Variants in CDH2 observed in about 807,000 individuals in gnomAD.
CDH2 encodes cadherin 2, also known as cadherin-2.
In CDH2, 17 loss-of-function variants were observed where a neutral mutation model predicts 92.0. The observed-to-expected ratio is 0.18, with a 90% CI of 0.13 to 0.28. The LOEUF is 0.28. Ranked by LOEUF, CDH2 falls within the 10% of genes least tolerant of loss-of-function variation. CDH2 has a pLI of 1.00. For missense variants in CDH2, 862 were observed against 1,133.1 expected (o/e 0.76, Z 3.44); for synonymous variants, 419 against 415.9 (o/e 1.01, Z -0.09).
chr18:28,010,779 C>A (rs2013075092), intron 4 of CDH2, among the ~76,000 whole-genome samples: 2 of 151,600 alleles, frequency 1.3e-5, no homozygotes, highest in Admixed American at 1.3e-4. Context: ...ATGCCATTCT[C>A]CTGCCTCAGC....
At chr18:28,043,360 T>C (rs1414635075) in intron 2 of CDH2, among the ~76,000 whole-genome samples, 2 of 150,546 alleles carry the variant, frequency 1.3e-5, no homozygotes, top group Non-Finnish European at 1.5e-5. Flanking sequence ...CAGTGTACAC[T>C]GCTTGGGTGA....
At chr18:28,002,249 T>G (rs949887503) in intron 7 of CDH2, among the ~76,000 whole-genome samples, 1 of 152,138 alleles carries the variant, frequency 6.6e-6, no homozygotes, top group Admixed American at 6.6e-5. Context: ...GGGGATCACA[T>G]GTACAAAAAC....
At chr18:28,094,945 G>A (rs1225477096) in intron 2 of CDH2, among the ~76,000 whole-genome samples, 1 of 152,028 alleles carries the variant, frequency 6.6e-6, no homozygotes, top group Non-Finnish European at 1.5e-5. Context: ...GGAAATAAAT[G>A]TTAAAGAATT....
intron 4 of CDH2, among the ~76,000 whole-genome samples, chr18:28,010,686 G>C (rs184211448): frequency 3.3e-5 from 5 of 151,228 alleles, no homozygotes; most frequent in Non-Finnish European, 5.9e-5. Context: ...TTTTTGCGGG[G>C]GGGGAAGGAG....
At chr18:28,066,234 A>G (rs921819181) in intron 2 of CDH2, among the ~76,000 whole-genome samples, 2 of 152,210 alleles carry the variant, frequency 1.3e-5, no homozygotes, top group Admixed American at 6.5e-5. Context: ...AACTAGCCAA[A>G]GCAGACACTT....
At chr18:28,159,671 T>G (rs574101598) in intron 1 of CDH2, among the ~76,000 whole-genome samples, 102 of 151,808 alleles carry the variant, frequency 6.7e-4, no homozygotes, top group African/African-American at 2.4e-3. Context: ...TTTTTTTTTT[T>G]TTTGAAAGGG....
At chr18:28,033,133 C>T (rs1032387304) in intron 2 of CDH2, among the ~76,000 whole-genome samples, 4 of 151,912 alleles carry the variant, frequency 2.6e-5, no homozygotes, top group Admixed American at 6.6e-5. Context: ...ATGGCAGCTT[C>T]GGAATAAACA....
At chr18:28,099,168 TTTGAATTATAGGAAGAAAACTAACAC>T (rs1428562477) in intron 2 of CDH2, among the ~76,000 whole-genome samples, 1 of 152,172 alleles carries the variant, frequency 6.6e-6, no homozygotes, top group African/African-American at 2.4e-5. Flanking sequence ...TTTACTAACT[TTTGAATTATAGGAAGAAAACTAACAC>T]TAACAAAATC....
chr18:28,092,462 G>T lies in CDH2; in HGVS notation c.172+55211C>A, dbSNP rs185240069. ...TGTTTGTCACCCTCAGAAGACTATT[G>T]TAATAAATTGCTCAATCCAATTATC... On this transcript the variant is annotated intron_variant, in intron 2 of 15. Coordinates refer to ENST00000269141, the MANE Select transcript of CDH2 (RefSeq NM_001792.5). Among the ~76,000 whole-genome samples, 50 of 151,834 alleles carry T rather than the reference G, an allele frequency of 3.3e-4. 1 individual carries two copies. The East Asian group carries it at 7.6e-3, about 23-fold the overall frequency.
At chr18:28,153,777 G>A (rs1433474948) in intron 1 of CDH2, among the ~76,000 whole-genome samples, 1 of 152,210 alleles carries the variant, frequency 6.6e-6, no homozygotes, top group Admixed American at 6.5e-5. Context: ...AAGCACTTAG[G>A]ATAGTGTCTG....
Position 27,951,325 on chromosome 18 carries a change from T to C in CDH2, c.*828A>G, listed in dbSNP as rs1200051835. On this transcript the variant is annotated 3_prime_UTR_variant, in exon 16 of 16. Coordinates refer to ENST00000269141, the MANE Select transcript of CDH2 (RefSeq NM_001792.5). ...GAATCAAATGTCACTGTTTTGTAAA[T>C]ACTTTATCCATAACGAAAGATATAA... 6.6e-6 allele frequency: 1 copy of C among 152,410 alleles called. No individual in the cohort carries two copies. The highest frequency in any genetic ancestry group is 1.5e-5 in the Non-Finnish European group (1 of 68,004). The allele number at this position is 152,410 out of a possible 1,614,324, so 9.4% of individuals were successfully genotyped here.
intron 2 of CDH2, among the ~76,000 whole-genome samples, chr18:28,134,551 A>T (rs2015830067): frequency 6.6e-6 from 1 of 152,056 alleles, no homozygotes; most frequent in African/African-American, 2.4e-5. Context: ...CTCTACAAAA[A>T]ATTAAAAAAT....
At chr18:28,026,533 C>T (rs2013558427) in intron 2 of CDH2, among the ~76,000 whole-genome samples, 1 of 152,086 alleles carries the variant, frequency 6.6e-6, no homozygotes, top group South Asian at 2.1e-4. Flanking sequence ...GCTAGAACAA[C>T]CATAGCCTGA....
chr18:28,176,996 C>T lies in CDH2; in HGVS notation c.27G>A (p.Arg9=). Residue 9 remains arginine (R), a synonymous_variant, in exon 1 of 16, where the codon CGG becomes CGA. Coordinates refer to ENST00000269141, the MANE Select transcript of CDH2 (RefSeq NM_001792.5). MCRIAGAL[R]TLLPLLAALL... ...GGGCCGCCAGCAGCGGCAGCAGGGT[C>T]CGCAGCGCTCCCGCTATCCGGCACA... 2.7e-6 allele frequency: 4 copies of T among 1,480,576 alleles called. No homozygotes were observed. Among genetic ancestry groups the T allele is most frequent in the Non-Finnish European group, 3.6e-6 (4 of 1,118,462 alleles). The allele number at this position is 1,480,576 out of a possible 1,614,324, so 91.7% of individuals were successfully genotyped here. A position where few individuals can be genotyped will look rare whatever the true frequency, so the allele number is the denominator to read the frequency against.
In CDH2 at chr18:28,033,998, A is replaced by T. The variant is rs1217464229; in HGVS notation, c.173-20089T>A. ...ACTCAATTGAGCCATACTCTCGATT[A>T]GTCTGATATACTATACTTTTCTTTA... On this transcript the variant is annotated intron_variant, in intron 2 of 15. Transcript: ENST00000269141. 2.0e-5 allele frequency among the ~76,000 whole-genome samples: 3 copies of T among 152,164 alleles called. No homozygotes were observed. The East Asian group carries it at 5.8e-4, about 29-fold the overall frequency.
chr18:28,052,367 A>C (rs1432104262), intron 2 of CDH2, among the ~76,000 whole-genome samples: 1 of 152,196 alleles, frequency 6.6e-6, no homozygotes, highest in Non-Finnish European at 1.5e-5. Flanking sequence ...TTTATATTTA[A>C]GCCGTAGTAA....
intron 2 of CDH2, among the ~76,000 whole-genome samples, chr18:28,057,755 G>A (rs551580304): frequency 9.9e-5 from 15 of 152,198 alleles, no homozygotes; most frequent in Non-Finnish European, 1.8e-4. Context: ...GTAAGCAGTC[G>A]AATGCACCTG....
At chr18:28,085,899 A>G (rs2014917868) in intron 2 of CDH2, among the ~76,000 whole-genome samples, 1 of 152,162 alleles carries the variant, frequency 6.6e-6, no homozygotes, top group Admixed American at 6.6e-5. Flanking sequence ...ATGTGAACTA[A>G]TCACATGATA....
intron 1 of CDH2, among the ~76,000 whole-genome samples, chr18:28,159,522 T>C (rs2016272847): frequency 6.6e-6 from 1 of 152,174 alleles, no homozygotes; most frequent in Non-Finnish European, 1.5e-5. Context: ...TTCAAAGACT[T>C]CAGCACTTGG....
Sources: allele counts gnomAD v4.1 joint callset (sites outside exome capture counted in the v4.1 genomes callset), GRCh38; gene constraint gnomAD v4.1.1; transcripts MANE v1.5; gene names NCBI Gene and HGNC (gene_info 2026-07-23, HGNC 2026-07-21).